The following RAPGEF1 variants were observed in gnomAD, a reference collection of about 807,000 sequenced individuals.
RAPGEF1 encodes the protein Rap guanine nucleotide exchange factor 1.
In RAPGEF1, 33 loss-of-function variants were observed where a neutral mutation model predicts 143.3. The ratio of observed to expected loss-of-function variants is 0.23; its 90% confidence interval spans 0.17 to 0.31. RAPGEF1 has a LOEUF of 0.31. RAPGEF1 is among the 10% of genes least tolerant of loss of function. The pLI is 1.00. For synonymous variants in RAPGEF1, 629 were observed against 676.5 expected (o/e 0.93, Z 1.09); for missense variants, 1,199 against 1,645.4 (o/e 0.73, Z 4.69).
In RAPGEF1 at chr9:131,621,727, A is replaced by G. The variant is rs1961098579; in HGVS notation, c.1905+69T>C. The G allele has an allele frequency of 1.4e-6, 2 of 1,463,208 alleles. No individual in the cohort carries two copies. The highest frequency in any genetic ancestry group is 5.0e-5 in the East Asian group (2 of 40,368). 90.6% of individuals were successfully genotyped at this position (1,463,208 alleles called of 1,614,324 possible). A position where few individuals can be genotyped will look rare whatever the true frequency, so the allele number is the denominator to read the frequency against. ...AGGAGGGTTAACCCTGCCCCCAAGG[A>G]GGGTCATTCTGGTTCCTAGAGACCT... is the stretch of plus-strand genomic sequence containing the variant. On this transcript the variant is annotated intron_variant, in intron 11 of 26. Coordinates refer to ENST00000683357, the MANE Select transcript of RAPGEF1 (RefSeq NM_001377935.1). This position sits in a 1 kb window ranked among gnomAD's most constrained non-coding sequence, Gnocchi z 4.5.
At chr9:131,618,590 T>C (rs905534431) in intron 12 of RAPGEF1, among the ~76,000 whole-genome samples, 6 of 152,168 alleles carry the variant, frequency 3.9e-5, no homozygotes, top group African/African-American at 1.4e-4. Flanking sequence ...ATCTTATCTA[T>C]TTATTTTGAG....
intron 4 of RAPGEF1, 70 bp downstream of exon 4, chr9:131,643,169 T>C: frequency 6.7e-7 from 1 of 1,486,246 alleles, no homozygotes; most frequent in Non-Finnish European, 9.0e-7. Context: ...GAGTTTCCAG[T>C]GCCACCAAAC....
At chr9:131,715,298 G>A (rs1280136007) in intron 1 of RAPGEF1, among the ~76,000 whole-genome samples, 1 of 152,144 alleles carries the variant, frequency 6.6e-6, no homozygotes, top group Non-Finnish European at 1.5e-5. Context: ...GTCTAGCAGG[G>A]CGACCTAATC....
chr9:131,737,097 T>A (rs767076659), intron 1 of RAPGEF1, among the ~76,000 whole-genome samples: 4 of 152,196 alleles, frequency 2.6e-5, no homozygotes, highest in Admixed American at 1.3e-4. Context: ...ATGATTCCTA[T>A]GAACTGCAGC....
intron 1 of RAPGEF1, among the ~76,000 whole-genome samples, chr9:131,654,048 C>G (rs1158865424): frequency 1.3e-5 from 2 of 152,162 alleles, no homozygotes. Flanking sequence ...TTGTATGATT[C>G]CATTCATTTG....
chr9:131,724,181 G>T (rs1209215705), intron 1 of RAPGEF1, among the ~76,000 whole-genome samples: 1 of 152,226 alleles, frequency 6.6e-6, no homozygotes, highest in African/African-American at 2.4e-5. Flanking sequence ...ATCGGACTGT[G>T]TGAGTGTCCG....
At position 131,675,415 on chromosome 9, in the gene RAPGEF1, T is replaced by A. The variant is rs1376759629; in HGVS notation, c.62-24466A>T. Among the ~76,000 whole-genome samples the A allele has an allele frequency of 6.6e-6, 1 of 152,192 alleles. No individual in the cohort carries two copies. ...TGCCGGGACGTGCCGTCCACAGGGT[T>A]CACCATGTGTTTTTTTCTTCACCGG... On this transcript the variant is annotated intron_variant, in intron 1 of 26. Coordinates refer to ENST00000683357, the MANE Select transcript of RAPGEF1 (RefSeq NM_001377935.1). The surrounding 1 kb of genome is among the most constrained non-coding windows in gnomAD (Gnocchi z 4.6).
chr9:131,592,368 C>T (rs1394744717), intron 17 of RAPGEF1, among the ~76,000 whole-genome samples, 185 bp from the exon 18 acceptor site: 1 of 152,132 alleles, frequency 6.6e-6, no homozygotes, highest in Non-Finnish European at 1.5e-5. Flanking sequence ...CCAGAGAAGT[C>T]ACACGTCCTC....
chr9:131,584,289 C>T lies in RAPGEF1; in HGVS notation c.3414+22G>A, dbSNP rs764276854. The T allele has an allele frequency of 6.3e-7, 1 of 1,589,864 alleles. No homozygotes were observed. Among genetic ancestry groups the T allele is most frequent in the South Asian group, 1.1e-5 (1 of 88,346 alleles). ...GCCCCCCTTACCAGCCACCCTCCCG[C>T]CCACGCCCCAAGGCCACTCACCTCT... On this transcript the variant is annotated intron_variant, in intron 24 of 26. Transcript: ENST00000683357. This position sits in a 1 kb window ranked among gnomAD's most constrained non-coding sequence, Gnocchi z 6.8.
At chr9:131,717,455 C>T (rs79518229) in intron 1 of RAPGEF1, among the ~76,000 whole-genome samples, 13,314 of 152,180 alleles carry the variant, frequency 0.087, 711 homozygotes, top group East Asian at 0.25. Flanking sequence ...GGGAGCTTAC[C>T]TCCCAATGAG....
In RAPGEF1 at chr9:131,641,099, T is replaced by C. The variant is rs1411504108; in HGVS notation, c.494+2140A>G. 6.6e-6 allele frequency among the ~76,000 whole-genome samples: 1 copy of C among 152,126 alleles called. No individual in the cohort carries two copies. Among genetic ancestry groups the C allele is most frequent in the African/African-American group, 2.4e-5 (1 of 41,418 alleles). On this transcript the variant is annotated intron_variant, in intron 4 of 26. Coordinates refer to ENST00000683357, the MANE Select transcript of RAPGEF1 (RefSeq NM_001377935.1). The surrounding 1 kb of genome is among the most constrained non-coding windows in gnomAD (Gnocchi z 4.6). ...AAAAATACCCCCAGCCATTACCATG[T>C]GACTTCATCAGTTCTTACCCAGGGT...
At chr9:131,623,706 T>G (rs1421095872) in intron 10 of RAPGEF1, among the ~76,000 whole-genome samples, 1 of 152,116 alleles carries the variant, frequency 6.6e-6, no homozygotes, top group Non-Finnish European at 1.5e-5. Context: ...GGATTTCAGG[T>G]GCCGGACAGT....
intron 12 of RAPGEF1, among the ~76,000 whole-genome samples, chr9:131,611,965 A>G (rs1958081233): frequency 6.6e-6 from 1 of 152,210 alleles, no homozygotes; most frequent in Non-Finnish European, 1.5e-5. Flanking sequence ...CTTAACTTGG[A>G]ACAAATGGCT....
intron 12 of RAPGEF1, among the ~76,000 whole-genome samples, chr9:131,618,360 G>A (rs1959492452): frequency 6.6e-6 from 1 of 152,208 alleles, no homozygotes; most frequent in African/African-American, 2.4e-5. Flanking sequence ...GGCCAAGCCT[G>A]GGCCAGAGCA....
chr9:131,725,323 A>G (rs1329846701), intron 1 of RAPGEF1: 1 of 152,206 alleles, frequency 6.6e-6, no homozygotes, highest in Admixed American at 6.5e-5. Context: ...AGAGGTTAAC[A>G]TATTGATGCT....
intron 5 of RAPGEF1, 133 bp from the exon 6 acceptor site, chr9:131,630,457 A>G: frequency 1.3e-6 from 1 of 798,696 alleles, no homozygotes; most frequent in Non-Finnish European, 2.0e-6. Context: ...ACGCACCATA[A>G]ACGCAAGTAT....
intron 5 of RAPGEF1, among the ~76,000 whole-genome samples, chr9:131,635,482 T>C (rs1170187486): frequency 6.6e-6 from 1 of 151,588 alleles, no homozygotes; most frequent in East Asian, 1.9e-4. Context: ...GGTGAGTCAG[T>C]GTAAGAACGT....
At chr9:131,645,097 C>A (rs185946343) in intron 3 of RAPGEF1, among the ~76,000 whole-genome samples, 1 of 152,192 alleles carries the variant, frequency 6.6e-6, no homozygotes, top group Non-Finnish European at 1.5e-5. Context: ...GATTTGTTTA[C>A]GGTCTGTTTC....
intron 1 of RAPGEF1, among the ~76,000 whole-genome samples, chr9:131,721,832 G>A (rs1030121385): frequency 1.3e-5 from 2 of 152,182 alleles, no homozygotes; most frequent in African/African-American, 2.4e-5. Context: ...GGTATTGTAA[G>A]TAATCTAGAG....
Sources: gnomAD v4.1 joint callset for allele counts (sites outside exome capture counted in the v4.1 genomes callset) on GRCh38, gnomAD v4.1.1 for gene constraint, Gnocchi (gnomAD v3.1) non-coding constraint, MANE v1.5 for transcripts, NCBI Gene and HGNC (gene_info 2026-07-23, HGNC 2026-07-21) for gene names.